MYSM1: variants seen among roughly 807,000 people sequenced by gnomAD.
MYSM1 encodes Myb like, SWIRM and MPN domains 1.
In MYSM1, 51 loss-of-function variants were observed where a neutral mutation model predicts 116.0. That is an observed-to-expected ratio of 0.44 (90% CI 0.35 to 0.56). The LOEUF (loss-of-function observed/expected upper bound fraction) is 0.56. Among genes scored for constraint, MYSM1 ranks in the 20% least tolerant of loss-of-function variants. The pLI is 0.00. For synonymous variants in MYSM1, 313 were observed against 315.2 expected (o/e 0.99, Z 0.07); for missense variants, 900 against 974.9 (o/e 0.92, Z 1.02).
Position 58,665,543 on chromosome 1 carries a change from G to A in MYSM1, c.2120C>T (p.Thr707Ile). Residue 707 changes from threonine (T) to isoleucine (I), a missense_variant, in exon 17 of 20, where the codon ACC becomes ATC. By Grantham distance (89) the Thr-to-Ile change is moderately conservative. This residue lies in a region of MYSM1 where 186 missense variants were observed against 196.2 expected (regional missense o/e 0.95). Coordinates refer to ENST00000472487, the MANE Select transcript of MYSM1 (RefSeq NM_001085487.3). ...AATTTCCTCACTTATAACCAGGCAG[G>A]TAATCTGAGAATATGGTAAGGGATT... ...RNNPLPYSQI[T>I]CLVISEEISP... 6.2e-7 allele frequency: 1 copy of A among 1,605,958 alleles called. No homozygotes were observed. Among genetic ancestry groups the A allele is most frequent in the Non-Finnish European group, 8.5e-7 (1 of 1,173,322 alleles).
At chr1:58,692,017 C>T (rs1355052713) in intron 3 of MYSM1, among the ~76,000 whole-genome samples, 1 of 151,540 alleles carries the variant, frequency 6.6e-6, no homozygotes, top group Admixed American at 6.6e-5. Flanking sequence ...AATTAATTTC[C>T]TTTGTGTTAA....
chr1:58,679,861 C>T (rs1293630926), intron 8 of MYSM1, among the ~76,000 whole-genome samples: 1 of 151,562 alleles, frequency 6.6e-6, no homozygotes, highest in East Asian at 1.9e-4. Context: ...AACCCAGTCT[C>T]TACTAAAAAT....
chr1:58,669,267 A>C (rs1425868928), intron 12 of MYSM1, among the ~76,000 whole-genome samples: 2 of 152,122 alleles, frequency 1.3e-5, no homozygotes, highest in Non-Finnish European at 2.9e-5. Context: ...TGTTGTCTTA[A>C]TTTCCTTTAA....
At chr1:58,695,629 C>A (rs1644963038) in intron 1 of MYSM1, among the ~76,000 whole-genome samples, 1 of 149,772 alleles carries the variant, frequency 6.7e-6, no homozygotes. Context: ...TTATAAAAAC[C>A]ACCATCAATA....
At chr1:58,678,073 A>T (rs1644680288) in intron 8 of MYSM1, among the ~76,000 whole-genome samples, 5 of 152,206 alleles carry the variant, frequency 3.3e-5, no homozygotes, top group Admixed American at 1.3e-4. Flanking sequence ...AGGGACTGTC[A>T]ATAATCAATG....
At chr1:58,661,117 A>T (rs1297396414) in intron 19 of MYSM1, 53 bp downstream of exon 19, 1 of 1,333,656 alleles carries the variant, frequency 7.5e-7, no homozygotes, top group African/African-American at 1.4e-5. Flanking sequence ...CATTGAGATG[A>T]ATAGCTTCAG....
chr1:58,673,492 A>C (rs1644595462), intron 11 of MYSM1, 81 bp downstream of exon 11: 2 of 1,144,504 alleles, frequency 1.7e-6, no homozygotes, highest in Non-Finnish European at 2.6e-6. Flanking sequence ...AAACAAGTAC[A>C]ATACATATGA....
intron 7 of MYSM1, among the ~76,000 whole-genome samples, chr1:58,684,414 A>T (rs1319125923): frequency 2.0e-5 from 3 of 151,792 alleles, no homozygotes; most frequent in Non-Finnish European, 4.4e-5. Flanking sequence ...AAATACAAAA[A>T]ATTGGCCAGG....
chr1:58,655,552 C>T lies in MYSM1; in HGVS notation c.*4445G>A, dbSNP rs887022175. The T allele has an allele frequency of 2.6e-5, 4 of 151,824 alleles. No individual in the cohort carries two copies. The highest frequency in any genetic ancestry group is 7.3e-5 in the African/African-American group (3 of 41,310). The allele number at this position is 151,824 out of a possible 1,614,324, so 9.4% of individuals were successfully genotyped here. A position where few individuals can be genotyped will look rare whatever the true frequency, so the allele number is the denominator to read the frequency against. Reference sequence around the variant, plus strand: ...AATGTAAGGTGGCTTAGAAGATAGACTCAGAATATACTAGAAAGTATAATT... The same window carrying T: ...AATGTAAGGTGGCTTAGAAGATAGATTCAGAATATACTAGAAAGTATAATT... On this transcript the variant is annotated 3_prime_UTR_variant, in exon 20 of 20. Coordinates refer to ENST00000472487, the MANE Select transcript of MYSM1 (RefSeq NM_001085487.3).
Position 58,655,386 on chromosome 1 carries a change from A to AACTC in MYSM1, c.*4607_*4610dup, listed in dbSNP as rs1216141940. 2 of 152,192 alleles carry AACTC rather than the reference A, an allele frequency of 1.3e-5. No individual in the cohort carries two copies. The highest frequency in any genetic ancestry group is 4.8e-5 in the African/African-American group (2 of 41,460). 9.4% of individuals were successfully genotyped at this position (152,192 alleles called of 1,614,324 possible). On this transcript the variant is annotated 3_prime_UTR_variant, in exon 20 of 20. Coordinates refer to ENST00000472487, the MANE Select transcript of MYSM1 (RefSeq NM_001085487.3). ...AACACCAAAGGAAGAAAATAAAAAC[A>AACTC]ACTCAGATACTACAACTTAATTTTT... is the stretch of plus-strand genomic sequence containing the variant.
intron 10 of MYSM1, among the ~76,000 whole-genome samples, chr1:58,675,096 AT>A (rs1271596544): frequency 6.6e-6 from 1 of 152,000 alleles, no homozygotes; most frequent in Non-Finnish European, 1.5e-5. Context: ...AAGTCTAGTT[AT>A]TCCAAAAAGG....
At chr1:58,668,564 C>A (rs1209702086) in intron 14 of MYSM1, 68 bp downstream of exon 14, 1 of 1,525,706 alleles carries the variant, frequency 6.6e-7, no homozygotes, top group Admixed American at 2.4e-5. Context: ...CTCTGTCTTA[C>A]GCCTGCAATA....
chr1:58,690,581 A>G (rs941038486), intron 3 of MYSM1, among the ~76,000 whole-genome samples, 164 bp from the exon 4 acceptor site: 1 of 144,372 alleles, frequency 6.9e-6, no homozygotes, highest in Admixed American at 6.8e-5. Context: ...AAGCTTGTCC[A>G]ATCCTCTGCC....
In MYSM1 at chr1:58,659,436, T is replaced by A. The variant is rs1190853380; in HGVS notation, c.*561A>T. On this transcript the variant is annotated 3_prime_UTR_variant, in exon 20 of 20. Coordinates refer to ENST00000472487, the MANE Select transcript of MYSM1 (RefSeq NM_001085487.3). ...CTATGATTAGAAACTGGTAATTTAGTTCTCTCCTTTGGGTTTTTCCTGTTT... is the reference window on the plus strand; with the variant it reads ...CTATGATTAGAAACTGGTAATTTAGATCTCTCCTTTGGGTTTTTCCTGTTT... 6.6e-6 allele frequency: 1 copy of A among 152,172 alleles called. No individual in the cohort carries two copies. The highest frequency in any genetic ancestry group is 1.5e-5 in the Non-Finnish European group (1 of 68,024). The allele number at this position is 152,172 out of a possible 1,614,324, so 9.4% of individuals were successfully genotyped here. A position where few individuals can be genotyped will look rare whatever the true frequency, so the allele number is the denominator to read the frequency against.
chr1:58,694,569 C>T (rs1460072728), intron 2 of MYSM1, among the ~76,000 whole-genome samples: 2 of 151,270 alleles, frequency 1.3e-5, no homozygotes, highest in African/African-American at 4.9e-5. Context: ...TGCAGTGAGC[C>T]GAGATCACGA....
chr1:58,673,058 GTAT>G (rs1007890833), intron 11 of MYSM1, among the ~76,000 whole-genome samples: 1 of 152,028 alleles, frequency 6.6e-6, no homozygotes, highest in Non-Finnish European at 1.5e-5. Flanking sequence ...TTTGAGGGAG[GTAT>G]TATTATTATT....
intron 12 of MYSM1, among the ~76,000 whole-genome samples, chr1:58,670,404 C>T (rs1317113350): frequency 1.3e-5 from 2 of 151,954 alleles, no homozygotes; most frequent in Non-Finnish European, 2.9e-5. Flanking sequence ...TTTCACAATA[C>T]AAAAAAGCAG....
chr1:58,661,188 G>A lies in MYSM1; in HGVS notation c.2310C>T (p.Asp770=), dbSNP rs762769756. ...PMDKIFRRDS[D]LTCLQKLLEC... is the part of the protein sequence containing the mutation. ...AGCTTACTTTCTGCAAACAAGTCAG[G>A]TCAGAATCCCGGCGAAAGATTTTAT... is the stretch of plus-strand genomic sequence containing the variant. The change falls in exon 19 of 20, where the codon GAC becomes GAT. Residue 770 remains aspartate, a synonymous_variant. Transcript: ENST00000472487. 11 of 1,613,144 alleles carry A rather than the reference G, an allele frequency of 6.8e-6. No individual in the cohort carries two copies. Among genetic ancestry groups the A allele is most frequent in the Non-Finnish European group, 1.7e-6 (2 of 1,179,304 alleles).
intron 6 of MYSM1, among the ~76,000 whole-genome samples, chr1:58,687,870 C>A (rs1644849971): frequency 6.6e-6 from 1 of 152,130 alleles, no homozygotes; most frequent in African/African-American, 2.4e-5. Flanking sequence ...TTAGGTTGGT[C>A]TCCCACTTCT....
Sources: gnomAD v4.1 joint callset for allele counts (sites outside exome capture counted in the v4.1 genomes callset) on GRCh38, gnomAD v4.1.1 for gene constraint, gnomAD v4.1.1 regional missense constraint, MANE v1.5 for transcripts, NCBI Gene and HGNC (gene_info 2026-07-23, HGNC 2026-07-21) for gene names.